Variants in PCDHA10 observed in about 807,000 individuals in gnomAD.
PCDHA10 encodes the protein protocadherin alpha-10.
A neutral mutation model predicts 61.2 loss-of-function variants in PCDHA10; 45 were observed. The observed-to-expected ratio is 0.74, with a 90% CI of 0.58 to 0.94. The LOEUF (loss-of-function observed/expected upper bound fraction) is 0.94. PCDHA10 is among the 40% of genes least tolerant of loss of function. The pLI is 0.00. For synonymous variants in PCDHA10, 602 were observed against 548.8 expected (o/e 1.10, Z -1.35); for missense variants, 1,278 against 1,236.2 (o/e 1.03, Z -0.51).
intron 3 of PCDHA10, among the ~76,000 whole-genome samples, chr5:140,989,192 C>A (rs1458235302): frequency 6.6e-6 from 1 of 152,192 alleles, no homozygotes; most frequent in African/African-American, 2.4e-5. Context: ...GAATTACCCT[C>A]CCTTCTAGCT....
At chr5:140,993,018 C>T (rs2097537347) in intron 3 of PCDHA10, among the ~76,000 whole-genome samples, 1 of 152,174 alleles carries the variant, frequency 6.6e-6, no homozygotes, top group African/African-American at 2.4e-5. Flanking sequence ...AGTCCAGCAT[C>T]CCCTGTGGGC....
chr5:140,968,876 A>G (rs782240993), intron 1 of PCDHA10: 51 of 1,614,112 alleles, frequency 3.2e-5, no homozygotes, highest in Non-Finnish European at 4.1e-5. Context: ...ATACTCTGAA[A>G]TTACCCTTTA....
At chr5:140,979,175 A>C in intron 2 of PCDHA10, 168 bp downstream of exon 2, 8 of 951,628 alleles carry the variant, frequency 8.4e-6, no homozygotes, top group Non-Finnish European at 1.0e-5. Flanking sequence ...AAAGATCGCA[A>C]ATGGTCAGTG....
At chr5:140,908,185 G>C (rs1399259532) in intron 1 of PCDHA10, among the ~76,000 whole-genome samples, 1 of 152,148 alleles carries the variant, frequency 6.6e-6, no homozygotes, top group East Asian at 1.9e-4. Flanking sequence ...TCCACTTTCA[G>C]GTGGTGGACA....
intron 1 of PCDHA10, chr5:140,927,292 C>A: frequency 6.2e-7 from 1 of 1,614,162 alleles, no homozygotes; most frequent in East Asian, 2.2e-5. Flanking sequence ...GCTGCACATC[C>A]CCGAGTTCCT....
chr5:140,909,801 T>C (rs1462008196), intron 1 of PCDHA10, among the ~76,000 whole-genome samples: 1 of 152,134 alleles, frequency 6.6e-6, no homozygotes, highest in African/African-American at 2.4e-5. Context: ...AGACTTCAGC[T>C]AAAACTCCAT....
intron 1 of PCDHA10, among the ~76,000 whole-genome samples, chr5:140,889,104 T>C (rs2062103050): frequency 6.6e-6 from 1 of 151,956 alleles, no homozygotes; most frequent in Admixed American, 6.6e-5. Flanking sequence ...TTTTTCATCT[T>C]TATTCCAGGT....
At chr5:140,906,158 C>G (rs1186216636) in intron 1 of PCDHA10, among the ~76,000 whole-genome samples, 1 of 152,140 alleles carries the variant, frequency 6.6e-6, no homozygotes, top group East Asian at 1.9e-4. Context: ...CACAGACACA[C>G]CCAGGAACAA....
chr5:140,877,096 G>C (rs1554169320), intron 1 of PCDHA10: 1 of 1,613,378 alleles, frequency 6.2e-7, no homozygotes, highest in Non-Finnish European at 8.5e-7. Flanking sequence ...CGACGCCGGC[G>C]TGCCGCCTCT....
intron 3 of PCDHA10, among the ~76,000 whole-genome samples, chr5:141,003,770 T>A (rs1365152633): frequency 6.6e-6 from 1 of 152,246 alleles, no homozygotes; most frequent in East Asian, 1.9e-4. Flanking sequence ...TCGTATTCTG[T>A]TAAATAAACT....
intron 1 of PCDHA10, among the ~76,000 whole-genome samples, chr5:140,900,615 T>C (rs1554189289): frequency 1.3e-5 from 2 of 152,336 alleles, no homozygotes; most frequent in East Asian, 3.9e-4. Context: ...GACATGTAGA[T>C]TGCTTCCAAA....
intron 1 of PCDHA10, 73 bp from the exon 2 acceptor site, chr5:140,978,876 A>G: frequency 6.2e-7 from 1 of 1,609,510 alleles, no homozygotes; most frequent in Non-Finnish European, 8.5e-7. Flanking sequence ...GGGAGTAACT[A>G]ATCAATTAGC....
At chr5:140,938,719 T>A (rs1484492024) in intron 1 of PCDHA10, among the ~76,000 whole-genome samples, 2 of 152,098 alleles carry the variant, frequency 1.3e-5, no homozygotes, top group African/African-American at 4.8e-5. Context: ...TAGAAACGCG[T>A]TTCTACAGAA....
Position 140,982,485 on chromosome 5 carries a change from C to T in PCDHA10, c.2458C>T (p.Leu820=). 1 of 1,614,100 alleles carries T rather than the reference C, an allele frequency of 6.2e-7. No homozygotes were observed. The highest frequency in any genetic ancestry group is 8.5e-7 in the Non-Finnish European group (1 of 1,180,004). The part of the protein sequence containing the change: ...LRAGMHSSVH[L]EEAGILRAGP... ...TGTGTGTTTATTCAGCTCTGTGCAC[C>T]TAGAGGAGGCTGGCATTCTACGGGC... The change falls in exon 3 of 4, where the codon CTA becomes TTA. Residue 820 remains leucine (L), a synonymous_variant. Coordinates refer to ENST00000307360, the MANE Select transcript of PCDHA10 (RefSeq NM_018901.4).
chr5:140,981,917 A>G (rs1465971302), intron 2 of PCDHA10, among the ~76,000 whole-genome samples: 1 of 152,218 alleles, frequency 6.6e-6, no homozygotes, highest in Non-Finnish European at 1.5e-5. Flanking sequence ...GTGGTGATCA[A>G]GTTTCTCTAG....
chr5:140,964,894 T>C (rs754817292), intron 1 of PCDHA10, among the ~76,000 whole-genome samples: 8 of 152,210 alleles, frequency 5.3e-5, no homozygotes, highest in Non-Finnish European at 1.2e-4. Flanking sequence ...GATAGGAGGC[T>C]GGGCGCTTCT....
chr5:140,920,927 A>G (rs1350465462), intron 1 of PCDHA10, among the ~76,000 whole-genome samples: 1 of 151,716 alleles, frequency 6.6e-6, no homozygotes, highest in East Asian at 1.9e-4. Context: ...AGAGTAGGTG[A>G]TCTAGCCCTT....
At chr5:140,953,284 T>G (rs2094869714) in intron 1 of PCDHA10, among the ~76,000 whole-genome samples, 1 of 152,160 alleles carries the variant, frequency 6.6e-6, no homozygotes, top group Admixed American at 6.5e-5. Flanking sequence ...TCTTTATATG[T>G]GATTCAGGGA....
chr5:140,877,558 A>G (rs782179941), intron 1 of PCDHA10: 7 of 1,613,628 alleles, frequency 4.3e-6, no homozygotes, highest in Non-Finnish European at 5.9e-6. Flanking sequence ...TCTGGTGGAT[A>G]TTAACGTGTA....
Sources: gnomAD v4.1 joint callset for allele counts (sites outside exome capture counted in the v4.1 genomes callset) on GRCh38, gnomAD v4.1.1 for gene constraint, MANE v1.5 for transcripts, NCBI Gene and HGNC (gene_info 2026-07-23, HGNC 2026-07-21) for gene names.